ARHGAP10: variants seen among roughly 807,000 people sequenced by gnomAD.
The protein encoded by ARHGAP10 is rho GTPase-activating protein 10.
Under a neutral mutation model 108.6 loss-of-function variants are expected in ARHGAP10, and 87 were observed. That is an observed-to-expected ratio of 0.80 (90% CI 0.67 to 0.96). The LOEUF (loss-of-function observed/expected upper bound fraction) is 0.96, where lower values mean the gene tolerates loss of function less well. Among genes scored for constraint, ARHGAP10 ranks in the 40% least tolerant of loss-of-function variants. The probability of loss-of-function intolerance (pLI) is 0.00; values close to 1 mark genes in which losing one functional copy is unlikely to be tolerated. For missense variants in ARHGAP10, 939 were observed against 954.5 expected (o/e 0.98, Z 0.21); for synonymous variants, 347 against 341.1 (o/e 1.02, Z -0.19).
At position 147,909,875 on chromosome 4, in the gene ARHGAP10, G is replaced by A. The variant is rs1736664391; in HGVS notation, c.1162+98G>A. Reference sequence around the variant, plus strand: ...AGCTGTTGCTGGGAGCTTACTCTCTGCACCCTCTATTAGACAGAGGGGTAT... The same window carrying A: ...AGCTGTTGCTGGGAGCTTACTCTCTACACCCTCTATTAGACAGAGGGGTAT... On this transcript the variant is annotated intron_variant, in intron 12 of 22. Transcript: ENST00000336498. 8 of 1,207,722 alleles carry A rather than the reference G, an allele frequency of 6.6e-6. No individual in the cohort carries two copies. The East Asian group carries it at 1.9e-4, about 28-fold the overall frequency. 74.8% of individuals were successfully genotyped at this position (1,207,722 alleles called of 1,614,324 possible). A position where few individuals can be genotyped will look rare whatever the true frequency, so the allele number is the denominator to read the frequency against.
intron 1 of ARHGAP10, among the ~76,000 whole-genome samples, chr4:147,771,444 A>C (rs2126718892): frequency 6.6e-6 from 1 of 152,172 alleles, no homozygotes; most frequent in Non-Finnish European, 1.5e-5. Flanking sequence ...CACCTGAGGC[A>C]TTTTTGTTGT....
At chr4:147,884,322 G>A (rs1029910023) in intron 10 of ARHGAP10, among the ~76,000 whole-genome samples, 3 of 152,286 alleles carry the variant, frequency 2.0e-5, no homozygotes, top group African/African-American at 7.2e-5. Flanking sequence ...TTACACATAC[G>A]AAGGATAATA....
At chr4:147,899,647 G>T (rs1736148732) in intron 10 of ARHGAP10, among the ~76,000 whole-genome samples, 2 of 150,430 alleles carry the variant, frequency 1.3e-5, no homozygotes, top group Non-Finnish European at 1.5e-5. Flanking sequence ...TTTTTTTTTT[G>T]GTGAACAGAA....
chr4:147,858,160 A>G (rs1181029770), intron 5 of ARHGAP10: 1 of 152,062 alleles, frequency 6.6e-6, no homozygotes, highest in East Asian at 1.9e-4. Flanking sequence ...ATATGTAAGC[A>G]GGAAGGAATT....
chr4:148,069,408 G>A (rs1394585887), intron 22 of ARHGAP10, among the ~76,000 whole-genome samples: 1 of 152,184 alleles, frequency 6.6e-6, no homozygotes, highest in Non-Finnish European at 1.5e-5. Flanking sequence ...GGCTGGGGAG[G>A]TGGTGAATGG....
intron 1 of ARHGAP10, among the ~76,000 whole-genome samples, chr4:147,756,300 G>A (rs1422771652): frequency 6.6e-6 from 1 of 152,148 alleles, no homozygotes; most frequent in African/African-American, 2.4e-5. Context: ...TTGTTGTAGA[G>A]GAAGGTGTGG....
At chr4:147,996,258 T>A (rs1740471950) in intron 18 of ARHGAP10, among the ~76,000 whole-genome samples, 1 of 152,186 alleles carries the variant, frequency 6.6e-6, no homozygotes, top group South Asian at 2.1e-4. Flanking sequence ...GTTAGCCATC[T>A]CCAGCAATAA....
At chr4:147,781,552 A>T (rs1321326835) in intron 1 of ARHGAP10, among the ~76,000 whole-genome samples, 1 of 152,116 alleles carries the variant, frequency 6.6e-6, no homozygotes, top group Non-Finnish European at 1.5e-5. Context: ...CTCCATTTTT[A>T]AAAAAGGGTA....
At chr4:147,945,557 A>T (rs182034494) in intron 14 of ARHGAP10, among the ~76,000 whole-genome samples, 470 of 152,294 alleles carry the variant, frequency 3.1e-3, no homozygotes, top group Non-Finnish European at 4.7e-3. Flanking sequence ...ACTGTAAATG[A>T]CTTTTTAAGT....
chr4:147,964,992 T>G (rs780433585), intron 16 of ARHGAP10, 32 bp from the exon 17 acceptor site: 1 of 1,438,596 alleles, frequency 7.0e-7, no homozygotes, highest in Admixed American at 2.3e-5. Context: ...TTTTCTTTAT[T>G]TTTTTCTTTA....
At chr4:147,782,923 TATA>T (rs1455697313) in intron 1 of ARHGAP10, among the ~76,000 whole-genome samples, 1 of 142,738 alleles carries the variant, frequency 7.0e-6, no homozygotes, top group Non-Finnish European at 1.5e-5. Context: ...ATATAAATTA[TATA>T]ATATATAAAA....
intron 18 of ARHGAP10, among the ~76,000 whole-genome samples, chr4:148,001,267 G>A (rs1740707645): frequency 6.6e-6 from 1 of 152,128 alleles, no homozygotes; most frequent in Non-Finnish European, 1.5e-5. Flanking sequence ...CTGTTCATTG[G>A]TCTGTATCTC....
intron 7 of ARHGAP10, among the ~76,000 whole-genome samples, chr4:147,869,053 A>G (rs1734691182): frequency 1.3e-5 from 2 of 152,232 alleles, no homozygotes; most frequent in Non-Finnish European, 2.9e-5. Context: ...GGCCAGAATG[A>G]GAACCTTCAG....
At chr4:147,981,710 T>TA (rs1739813909) in intron 18 of ARHGAP10, among the ~76,000 whole-genome samples, 1 of 152,260 alleles carries the variant, frequency 6.6e-6, no homozygotes, top group Admixed American at 6.5e-5. Flanking sequence ...GGTCTAGAAG[T>TA]AATTGTTTTA....
In ARHGAP10 at chr4:147,798,826, AC is replaced by A. The variant is rs200108416; in HGVS notation, c.155-23894del. 1.7e-3 allele frequency among the ~76,000 whole-genome samples: 206 copies of A among 118,796 alleles called. 6 individuals are homozygous for A. The highest frequency in any genetic ancestry group is 0.012 in the Admixed American group (137 of 11,822). 77.9% of individuals were successfully genotyped at this position (118,796 alleles called of 152,430 possible). On this transcript the variant is annotated intron_variant, in intron 1 of 22. Coordinates refer to ENST00000336498, the MANE Select transcript of ARHGAP10 (RefSeq NM_024605.4). ...ATATATATATATATATAGACTTTTT[AC>A]CCCCCCACGCTTGAAAAATGTGCTA...
chr4:147,995,707 A>G (rs900747005), intron 18 of ARHGAP10, among the ~76,000 whole-genome samples: 2 of 152,120 alleles, frequency 1.3e-5, no homozygotes, highest in Non-Finnish European at 2.9e-5. Flanking sequence ...AAAAATTTGC[A>G]TGGTCCATCT....
chr4:148,062,143 G>A lies in ARHGAP10; in HGVS notation c.2028-1005G>A, dbSNP rs948295803. Among the ~76,000 whole-genome samples, 112 of 152,320 alleles carry A rather than the reference G, an allele frequency of 7.4e-4. 1 individual carries two copies. The highest frequency in any genetic ancestry group is 2.6e-3 in the African/African-American group (107 of 41,580). On this transcript the variant is annotated intron_variant, in intron 20 of 22. Coordinates refer to ENST00000336498, the MANE Select transcript of ARHGAP10 (RefSeq NM_024605.4). ...GCAGGTGCAGGAGCATTGTGTATAG[G>A]GAGACAAGTGGGTAAACTTGGCCCT...
intron 15 of ARHGAP10, among the ~76,000 whole-genome samples, chr4:147,947,293 G>A (rs1738425056): frequency 1.4e-5 from 2 of 146,574 alleles, no homozygotes; most frequent in South Asian, 2.2e-4. Flanking sequence ...TGAAGAACAA[G>A]TATATAGACA....
chr4:148,025,725 G>A (rs1363777263), intron 19 of ARHGAP10, among the ~76,000 whole-genome samples: 4 of 152,000 alleles, frequency 2.6e-5, no homozygotes, highest in African/African-American at 4.8e-5. Context: ...ATGTATTCTT[G>A]TCATTACGAC....
Sources: allele counts gnomAD v4.1 joint callset (sites outside exome capture counted in the v4.1 genomes callset), GRCh38; gene constraint gnomAD v4.1.1; transcripts MANE v1.5; gene names NCBI Gene and HGNC (gene_info 2026-07-23, HGNC 2026-07-21).